Variants in HDAC9 observed in about 807,000 individuals in gnomAD.
The protein encoded by HDAC9 is histone deacetylase 9.
In HDAC9, 41 loss-of-function variants were observed where a neutral mutation model predicts 139.4. The ratio of observed to expected loss-of-function variants is 0.29; its 90% CI spans 0.23 to 0.38. The LOEUF (loss-of-function observed/expected upper bound fraction) is 0.38. HDAC9 is among the 10% of genes least tolerant of loss of function. The pLI is 1.00. For synonymous variants in HDAC9, 517 were observed against 476.2 expected (o/e 1.09, Z -1.12); for missense variants, 1,147 against 1,297.0 (o/e 0.88, Z 1.78).
chr7:18,227,108 G>T (rs922278084), intron 2 of HDAC9, among the ~76,000 whole-genome samples: 1 of 152,102 alleles, frequency 6.6e-6, no homozygotes, highest in Non-Finnish European at 1.5e-5. Flanking sequence ...AGTTAGATGG[G>T]TGCATACACA....
chr7:18,665,030 G>A (rs150365865), intron 11 of HDAC9, among the ~76,000 whole-genome samples: 15 of 152,252 alleles, frequency 9.9e-5, no homozygotes, highest in South Asian at 8.3e-4. Context: ...TTGAGGTTGC[G>A]TGGACTGCAG....
At chr7:18,254,577 T>C (rs575333878) in intron 2 of HDAC9, among the ~76,000 whole-genome samples, 3 of 152,336 alleles carry the variant, frequency 2.0e-5, no homozygotes, top group Admixed American at 1.3e-4. Flanking sequence ...GCTTTCAGAT[T>C]TGTAAAATCA....
intron 24 of HDAC9, among the ~76,000 whole-genome samples, chr7:18,959,921 G>C (rs1289336116): frequency 6.6e-6 from 1 of 151,864 alleles, no homozygotes; most frequent in Non-Finnish European, 1.5e-5. Context: ...ATATGTTCTT[G>C]TCAAATGTGT....
intron 1 of HDAC9, among the ~76,000 whole-genome samples, chr7:18,298,512 C>T (rs1046500403): frequency 6.6e-6 from 1 of 152,038 alleles, no homozygotes; most frequent in Non-Finnish European, 1.5e-5. Flanking sequence ...TCAATTCCCA[C>T]CTATGAGTGA....
upstream of HDAC9, among the ~76,000 whole-genome samples, chr7:18,287,706 C>T (rs1339872575): frequency 6.6e-6 from 1 of 152,234 alleles, no homozygotes; most frequent in East Asian, 1.9e-4. Flanking sequence ...CTTGATGTGC[C>T]TACCTGACTC....
intron 15 of HDAC9, among the ~76,000 whole-genome samples, chr7:18,763,127 C>T (rs1789531612): frequency 1.3e-5 from 2 of 152,204 alleles, no homozygotes; most frequent in South Asian, 4.1e-4. Flanking sequence ...TGTGTCAGCT[C>T]TAAGTTATTG....
chr7:18,308,507 G>A (rs1271591404), intron 1 of HDAC9, among the ~76,000 whole-genome samples: 1 of 152,050 alleles, frequency 6.6e-6, no homozygotes, highest in Non-Finnish European at 1.5e-5. Context: ...TTAGTACGTG[G>A]TATTGGATTT....
intron 1 of HDAC9, among the ~76,000 whole-genome samples, chr7:18,417,569 G>T (rs1161733341): frequency 6.6e-6 from 1 of 152,102 alleles, no homozygotes; most frequent in East Asian, 1.9e-4. Flanking sequence ...CTTATAAACA[G>T]TTTTATCCTC....
chr7:18,454,951 C>T (rs757149443), intron 1 of HDAC9, among the ~76,000 whole-genome samples: 3 of 152,012 alleles, frequency 2.0e-5, no homozygotes, highest in Non-Finnish European at 2.9e-5. Context: ...AGGAGGATGG[C>T]GTCAGAATTT....
At chr7:18,404,004 C>G (rs191381530) in intron 1 of HDAC9, among the ~76,000 whole-genome samples, 6 of 152,228 alleles carry the variant, frequency 3.9e-5, no homozygotes, top group Admixed American at 3.9e-4. Context: ...GCAGAAGAGT[C>G]TTTTAGAGCT....
intron 25 of HDAC9, among the ~76,000 whole-genome samples, chr7:18,990,907 G>T (rs181435299): frequency 2.0e-5 from 3 of 152,208 alleles, no homozygotes; most frequent in Admixed American, 6.5e-5. Flanking sequence ...TTGGGCTCGC[G>T]CATGGAGCGC....
chr7:18,654,456 T>A (rs1584644405), intron 11 of HDAC9, among the ~76,000 whole-genome samples: 1 of 152,100 alleles, frequency 6.6e-6, no homozygotes, highest in East Asian at 1.9e-4. Flanking sequence ...TTCTTACGTC[T>A]ATCTTCCCTT....
intron 2 of HDAC9, among the ~76,000 whole-genome samples, chr7:18,527,119 T>C (rs1022512823): frequency 2.6e-5 from 4 of 152,116 alleles, no homozygotes; most frequent in Non-Finnish European, 4.4e-5. Flanking sequence ...TTCCACATGA[T>C]CCTCAGGCCC....
At chr7:18,822,896 G>T (rs1447093771) in intron 17 of HDAC9, among the ~76,000 whole-genome samples, 1 of 152,034 alleles carries the variant, frequency 6.6e-6, no homozygotes, top group Non-Finnish European at 1.5e-5. Context: ...TAAAATATTA[G>T]ATTTTATTAT....
chr7:18,513,560 A>G (rs149549109), intron 2 of HDAC9, among the ~76,000 whole-genome samples: 73 of 152,316 alleles, frequency 4.8e-4, no homozygotes, highest in African/African-American at 1.6e-3. Flanking sequence ...GGAACAGCCA[A>G]TGCCAAGGCC....
At chr7:18,392,526 CTTATAATTA>C (rs1002903121) in intron 1 of HDAC9, among the ~76,000 whole-genome samples, 4 of 152,042 alleles carry the variant, frequency 2.6e-5, no homozygotes, top group East Asian at 3.9e-4. Context: ...ACGTGATATT[CTTATAATTA>C]TTATAATTAT....
At chr7:18,496,422 C>G (rs1796960347) in intron 2 of HDAC9, 98 bp downstream of exon 2, 1 of 1,042,444 alleles carries the variant, frequency 9.6e-7, no homozygotes, top group Non-Finnish European at 1.5e-6. Context: ...GAAATTGCTG[C>G]TTTTTCGTGT....
chr7:18,104,276 G>A (rs1016777410), intron 1 of HDAC9, among the ~76,000 whole-genome samples: 15 of 151,752 alleles, frequency 9.9e-5, no homozygotes, highest in Non-Finnish European at 1.6e-4. Context: ...ACACATTAAG[G>A]GTTTCTTTTT....
At chr7:18,408,569 T>C (rs1176402380) in intron 1 of HDAC9, among the ~76,000 whole-genome samples, 2 of 152,180 alleles carry the variant, frequency 1.3e-5, no homozygotes, top group Non-Finnish European at 2.9e-5. Context: ...ATGGCAGTAA[T>C]TCCTTGTATG....
Sources: gnomAD v4.1 joint callset for allele counts (sites outside exome capture counted in the v4.1 genomes callset) on GRCh38, gnomAD v4.1.1 for gene constraint, MANE v1.5 for transcripts, NCBI Gene and HGNC (gene_info 2026-07-23, HGNC 2026-07-21) for gene names.